Variants in ZNF536 observed in about 807,000 individuals in gnomAD.
ZNF536 encodes the protein zinc finger protein 536.
A neutral mutation model predicts 84.5 loss-of-function variants in ZNF536; 13 were observed. The observed-to-expected ratio is 0.15, with a 90% CI of 0.10 to 0.24. The LOEUF is 0.24. Ranked by LOEUF, ZNF536 falls within the 10% of genes least tolerant of loss-of-function variation. The pLI is 1.00. For missense variants in ZNF536, 1,536 were observed against 1,747.5 expected, an observed-to-expected ratio of 0.88 and a Z score of 2.16; for synonymous variants, 811 against 742.5, an observed-to-expected ratio of 1.09 and a Z score of -1.50.
intron 3 of ZNF536, among the ~76,000 whole-genome samples, chr19:30,544,351 C>T (rs1294606165): frequency 6.6e-6 from 1 of 152,194 alleles, no homozygotes; most frequent in Non-Finnish European, 1.5e-5. Context: ...CTTGAAAGCT[C>T]ATGAAGCAGC....
At position 30,228,605 on chromosome 19, in the gene ZNF536, C is replaced by T. The variant is rs2022763200; in HGVS notation, c.-258C>T. 6.6e-6 allele frequency: 1 copy of T among 151,546 alleles called. No homozygotes were observed. The highest frequency in any genetic ancestry group is 1.5e-5 in the Non-Finnish European group (1 of 67,912). The allele number at this position is 151,546 out of a possible 1,614,324, so 9.4% of individuals were successfully genotyped here. On this transcript the variant is annotated 5_prime_UTR_variant, in exon 1 of 6. Coordinates refer to the ZNF536 transcript ENST00000585628. This position sits in a 1 kb window ranked among gnomAD's most constrained non-coding sequence, Gnocchi z 4.5. ...ATTTTTTTTTTTTGCCTCCTTCTTT[C>T]TCCCTGAAACTTGTTTGAAAACCCA...
chr19:30,625,740 C>T (rs569053913), intron 1 of ZNF536, among the ~76,000 whole-genome samples: 3 of 152,240 alleles, frequency 2.0e-5, no homozygotes, highest in Non-Finnish European at 4.4e-5. Flanking sequence ...AACCTGGATA[C>T]ACCTGCTTCC....
chr19:30,394,171 T>A (rs1189035770), intron 1 of ZNF536, among the ~76,000 whole-genome samples: 1 of 152,164 alleles, frequency 6.6e-6, no homozygotes, highest in East Asian at 1.9e-4. Flanking sequence ...CCCCCTTGGA[T>A]GGTTCCTTAA....
At chr19:30,326,814 T>TTTTTTTTTTTTTTTTTTTTTG (rs2047053301) in intron 2 of ZNF536, among the ~76,000 whole-genome samples, 1 of 139,964 alleles carries the variant, frequency 7.1e-6, no homozygotes. Context: ...TTTTTTTTTT[T>TTTTTTTTTTTTTTTTTTTTTG]TTTTGTTTTC....
intron 2 of ZNF536, among the ~76,000 whole-genome samples, chr19:30,473,475 G>T (rs1253545458): frequency 6.6e-6 from 1 of 152,046 alleles, no homozygotes; most frequent in Non-Finnish European, 1.5e-5. Flanking sequence ...GAGCCTTAGG[G>T]GACCCACTTG....
At chr19:30,500,269 A>G (rs2054895406) in intron 2 of ZNF536, among the ~76,000 whole-genome samples, 1 of 152,232 alleles carries the variant, frequency 6.6e-6, no homozygotes, top group Non-Finnish European at 1.5e-5. Flanking sequence ...TCCTGGTTCT[A>G]GAATCTCAGC....
At chr19:30,402,374 A>G (rs2050078839) in intron 1 of ZNF536, among the ~76,000 whole-genome samples, 1 of 152,158 alleles carries the variant, frequency 6.6e-6, no homozygotes, top group African/African-American at 2.4e-5. Context: ...TTTCTCTTGA[A>G]TGGGTTATTT....
chr19:30,566,193 G>T (rs1010956106), intron 1 of ZNF536, among the ~76,000 whole-genome samples: 1 of 152,118 alleles, frequency 6.6e-6, no homozygotes, highest in Non-Finnish European at 1.5e-5. Flanking sequence ...TGTCTATGAG[G>T]GGTCACCCAG....
At chr19:30,396,147 A>G (rs2049806555) in intron 1 of ZNF536, among the ~76,000 whole-genome samples, 1 of 152,202 alleles carries the variant, frequency 6.6e-6, no homozygotes, top group Non-Finnish European at 1.5e-5. Flanking sequence ...TGTAAAAAAA[A>G]TGACTTCTCA....
At chr19:30,472,018 G>A (rs1045832389) in intron 2 of ZNF536, among the ~76,000 whole-genome samples, 3 of 152,082 alleles carry the variant, frequency 2.0e-5, no homozygotes, top group Non-Finnish European at 2.9e-5. Context: ...GGCCTTGACC[G>A]CCCCCATCCC....
chr19:30,242,307 G>A (rs1485261869), intron 1 of ZNF536, among the ~76,000 whole-genome samples: 2 of 152,200 alleles, frequency 1.3e-5, no homozygotes, highest in Admixed American at 6.5e-5. Flanking sequence ...GGTAGTTCCT[G>A]TTGGGGTTCA....
intron 1 of ZNF536, among the ~76,000 whole-genome samples, chr19:30,271,299 CTT>C (rs781528411): frequency 0.29 from 31,978 of 111,764 alleles, 3,469 homozygotes; most frequent in Middle Eastern, 0.38. Context: ...TTTTTCTTTT[CTT>C]TTTTTTTTTT....
intron 2 of ZNF536, among the ~76,000 whole-genome samples, chr19:30,448,884 TCAAA>T (rs2052473110): frequency 6.6e-6 from 1 of 152,182 alleles, no homozygotes; most frequent in South Asian, 2.1e-4. Flanking sequence ...AAGTTTGCAA[TCAAA>T]CAGTTATTGC....
chr19:30,528,068 A>T (rs1035890331), intron 2 of ZNF536, among the ~76,000 whole-genome samples: 2 of 152,228 alleles, frequency 1.3e-5, no homozygotes, highest in African/African-American at 2.4e-5. Context: ...AAATGTATTT[A>T]CTGTTATACT....
At chr19:30,531,445 A>ATT (rs35093534) in intron 2 of ZNF536, among the ~76,000 whole-genome samples, 41 of 144,820 alleles carry the variant, frequency 2.8e-4, no homozygotes, top group African/African-American at 7.8e-4. Flanking sequence ...CTTTTTTGTG[A>ATT]TTTTTTTTTT....
chr19:30,305,783 C>T (rs563268472), intron 2 of ZNF536, among the ~76,000 whole-genome samples: 4 of 152,338 alleles, frequency 2.6e-5, no homozygotes, highest in African/African-American at 7.2e-5. Context: ...GATTGGGAGC[C>T]ATCTGCCCTG....
chr19:30,249,173 A>G (rs933931891), intron 1 of ZNF536, among the ~76,000 whole-genome samples: 3 of 152,182 alleles, frequency 2.0e-5, no homozygotes, highest in African/African-American at 7.2e-5. Flanking sequence ...GGTGATCTGT[A>G]TGGATACAAT....
chr19:30,342,857 T>G (rs1303262674), intron 2 of ZNF536, among the ~76,000 whole-genome samples: 2 of 152,150 alleles, frequency 1.3e-5, no homozygotes, highest in Admixed American at 6.5e-5. Context: ...GAAAAAAACA[T>G]TTTTGGTTGT....
intron 2 of ZNF536, among the ~76,000 whole-genome samples, chr19:30,450,291 G>GGTATAAA (rs1415226451): frequency 1.3e-5 from 2 of 152,122 alleles, no homozygotes; most frequent in Non-Finnish European, 2.9e-5. Context: ...TTATACCGGA[G>GGTATAAA]CTCGGGGAGG....
Sources: gnomAD v4.1 joint callset for allele counts (sites outside exome capture counted in the v4.1 genomes callset) on GRCh38, gnomAD v4.1.1 for gene constraint, Gnocchi (gnomAD v3.1) non-coding constraint, MANE v1.5 for transcripts, NCBI Gene and HGNC (gene_info 2026-07-23, HGNC 2026-07-21) for gene names.